The following CCDC171 variants were observed in gnomAD, a reference collection of about 807,000 sequenced individuals.
The protein encoded by CCDC171 is coiled-coil domain-containing protein 171.
A neutral mutation model predicts 168.2 loss-of-function variants in CCDC171; 177 were observed. The ratio of observed to expected loss-of-function variants is 1.05; its 90% CI spans 0.93 to 1.19. The LOEUF (loss-of-function observed/expected upper bound fraction) is 1.19. Among genes scored for constraint, CCDC171 ranks in the 50% most tolerant of loss-of-function variants. The pLI, the probability that CCDC171 is intolerant of heterozygous loss-of-function variation, is 0.00. For synonymous variants in CCDC171, 687 were observed against 540.8 expected (o/e 1.27, Z -3.75); for missense variants, 1,991 against 1,539.0 (o/e 1.29, Z -4.91).
At chr9:16,044,393 G>C (rs943664719) in intron 1 of CCDC171, among the ~76,000 whole-genome samples, 1 of 151,266 alleles carries the variant, frequency 6.6e-6, no homozygotes, top group South Asian at 2.1e-4. Context: ...GATATACTAG[G>C]TTTTTTTTCT....
At chr9:15,562,415 T>C (rs1001960137) in intron 1 of CCDC171, among the ~76,000 whole-genome samples, 2 of 152,170 alleles carry the variant, frequency 1.3e-5, no homozygotes, top group African/African-American at 4.8e-5. Flanking sequence ...CCTGGTTATA[T>C]ATCAGTGAGC....
chr9:16,104,491 T>C, the CCDC171 span, among the ~76,000 whole-genome samples: 1 of 152,176 alleles, frequency 6.6e-6, no homozygotes, highest in Non-Finnish European at 1.5e-5. Flanking sequence ...TAATTCATCA[T>C]GAGCATCCAG....
intron 18 of CCDC171, among the ~76,000 whole-genome samples, chr9:15,756,051 A>G (rs1202211900): frequency 6.6e-6 from 1 of 152,168 alleles, no homozygotes; most frequent in African/African-American, 2.4e-5. Flanking sequence ...CCATAAGCTT[A>G]CCCAGCAGTT....
chr9:15,577,427 A>G (rs1046152139), intron 3 of CCDC171, among the ~76,000 whole-genome samples: 3 of 152,308 alleles, frequency 2.0e-5, no homozygotes, highest in Middle Eastern at 3.4e-3. Context: ...CTGGCACTTC[A>G]TCCTAAACAA....
At chr9:15,697,629 A>G (rs1379377135) in intron 11 of CCDC171, among the ~76,000 whole-genome samples, 1 of 152,216 alleles carries the variant, frequency 6.6e-6, no homozygotes, top group African/African-American at 2.4e-5. Context: ...TTATGTTTAT[A>G]CTATAGTGTA....
chr9:15,750,956 A>G (rs1035270361), intron 18 of CCDC171, among the ~76,000 whole-genome samples: 19 of 152,020 alleles, frequency 1.2e-4, no homozygotes, highest in African/African-American at 4.3e-4. Context: ...AAGAAAGGGT[A>G]TTCAGTTAGG....
At position 16,000,572 on chromosome 9, in the gene CCDC171, A is replaced by C. The variant is rs182058185; in HGVS notation, n.369-20017A>C. On this transcript the variant is annotated intron_variant and non_coding_transcript_variant, in intron 3 of 9. Coordinates refer to the CCDC171 transcript ENST00000486641. ...AATTGAGGAGAGGGAAAAAGATATG[A>C]AATATTCATCCTCAGATAATGGGGA... Among the ~76,000 whole-genome samples, 230 of 152,314 alleles carry C rather than the reference A, an allele frequency of 1.5e-3. 1 individual carries two copies. The highest frequency in any genetic ancestry group is 1.8e-3 in the Non-Finnish European group (124 of 68,038).
chr9:16,015,106 T>TA (rs771364373), intron 3 of CCDC171, among the ~76,000 whole-genome samples: 4 of 152,106 alleles, frequency 2.6e-5, no homozygotes, highest in Admixed American at 1.3e-4. Flanking sequence ...CCCTAAAACT[T>TA]AAAGTCTAAT....
Position 15,815,419 on chromosome 9 carries a change from C to CT in CCDC171, c.3267+30742dup, listed in dbSNP as rs59112774. Among the ~76,000 whole-genome samples, 137 of 83,898 alleles carry CT rather than the reference C, an allele frequency of 1.6e-3. 28 individuals carry two copies. The highest frequency in any genetic ancestry group is 4.4e-3 in the African/African-American group (93 of 21,376). The allele number at this position is 83,898 out of a possible 152,430, so 55.0% of individuals were successfully genotyped here. Reference sequence around the variant, plus strand: ...TTTTCACTTATTTTTACTTCTTTTACTTTTTTTTTTTTTTTTTACAAAGAA... The same window carrying CT: ...TTTTCACTTATTTTTACTTCTTTTACTTTTTTTTTTTTTTTTTTACAAAGAA... On this transcript the variant is annotated intron_variant, in intron 21 of 25. Coordinates refer to ENST00000380701, the MANE Select transcript of CCDC171 (RefSeq NM_173550.4).
At chr9:15,869,053 G>T (rs1338482527) in intron 23 of CCDC171, among the ~76,000 whole-genome samples, 1 of 151,990 alleles carries the variant, frequency 6.6e-6, no homozygotes, top group Non-Finnish European at 1.5e-5. Context: ...ATTGTTTGGG[G>T]AATAATGAAA....
rs1056985646 is a variant in CCDC171, at chr9:15,553,269, G to A, written c.-145G>A. On this transcript the variant is annotated 5_prime_UTR_variant, in exon 1 of 26. Coordinates refer to ENST00000380701, the MANE Select transcript of CCDC171 (RefSeq NM_173550.4). ...GACTTGGAGCGGCCCCTGGGGTCTT[G>A]GGTGTGCAGCACGGATCACGCGAGA... 6.6e-6 allele frequency: 1 copy of A among 152,460 alleles called. No homozygotes were observed. Among genetic ancestry groups the A allele is most frequent in the African/African-American group, 2.4e-5 (1 of 41,416 alleles). The allele number at this position is 152,460 out of a possible 1,614,324, so 9.4% of individuals were successfully genotyped here. A position where few individuals can be genotyped will look rare whatever the true frequency, so the allele number is the denominator to read the frequency against.
At chr9:15,832,611 A>T (rs1448040666) in intron 21 of CCDC171, among the ~76,000 whole-genome samples, 2 of 152,224 alleles carry the variant, frequency 1.3e-5, no homozygotes, top group Non-Finnish European at 2.9e-5. Flanking sequence ...TCATATACCT[A>T]TGTAGGGCAC....
intron 1 of CCDC171, among the ~76,000 whole-genome samples, chr9:15,556,496 A>C (rs575170989): frequency 1.3e-5 from 2 of 152,240 alleles, no homozygotes; most frequent in East Asian, 3.9e-4. Context: ...GCCAGTGATG[A>C]TGAGTATTTT....
chr9:15,590,785 CTTTCTTTCTTTCTT>C (rs1456372200), intron 4 of CCDC171, among the ~76,000 whole-genome samples: 17 of 61,380 alleles, frequency 2.8e-4, no homozygotes, highest in Admixed American at 4.9e-4. Flanking sequence ...TTCTTTCTTT[CTTTCTTTCTTTCTT>C]TCTTTCTTTC....
At chr9:15,839,325 G>T (rs1375137033) in intron 21 of CCDC171, among the ~76,000 whole-genome samples, 1 of 152,046 alleles carries the variant, frequency 6.6e-6, no homozygotes, top group East Asian at 1.9e-4. Context: ...AGAAATATTG[G>T]TTTTACATTT....
intron 7 of CCDC171, among the ~76,000 whole-genome samples, chr9:15,637,620 T>TC (rs890588851): frequency 1.4e-5 from 1 of 69,392 alleles, no homozygotes; most frequent in Non-Finnish European, 2.6e-5. Flanking sequence ...CCCTCCCCCC[T>TC]CCCCCCACCC....
chr9:15,948,826 A>G (rs1443333386), intron 25 of CCDC171, among the ~76,000 whole-genome samples: 1 of 151,250 alleles, frequency 6.6e-6, no homozygotes, highest in Non-Finnish European at 1.5e-5. Flanking sequence ...CTTTAGTTTA[A>G]TTAGATCCCA....
chr9:15,743,181 T>G (rs1185091136), intron 16 of CCDC171, among the ~76,000 whole-genome samples: 1 of 69,838 alleles, frequency 1.4e-5, no homozygotes, highest in African/African-American at 6.2e-5. Context: ...TTTTTTTTTT[T>G]TTGAGACAGC....
intron 12 of CCDC171, among the ~76,000 whole-genome samples, chr9:15,722,165 GC>G (rs2053528019): frequency 6.6e-6 from 1 of 152,078 alleles, no homozygotes; most frequent in African/African-American, 2.4e-5. Flanking sequence ...AAAACACTAT[GC>G]AAGTAGTTTA....
Sources: allele counts gnomAD v4.1 joint callset (sites outside exome capture counted in the v4.1 genomes callset), GRCh38; gene constraint gnomAD v4.1.1; transcripts MANE v1.5; gene names NCBI Gene and HGNC (gene_info 2026-07-23, HGNC 2026-07-21).